Variants in GPR143 observed in about 807,000 individuals in gnomAD.
The protein encoded by GPR143 is G protein-coupled receptor 143.
A neutral mutation model predicts 27.6 loss-of-function variants in GPR143; 8 were observed. The observed-to-expected ratio is 0.29, with a 90% CI of 0.17 to 0.52. The LOEUF (loss-of-function observed/expected upper bound fraction) is 0.52. Among genes scored for constraint, GPR143 ranks in the 20% least tolerant of loss-of-function variants. The pLI, the probability that GPR143 is intolerant of heterozygous loss-of-function variation, is 0.96. For missense variants in GPR143, 303 were observed against 343.1 expected, an observed-to-expected ratio of 0.88 and a Z score of 0.92; for synonymous variants, 156 against 153.2, an observed-to-expected ratio of 1.02 and a Z score of -0.13.
intron 3 of GPR143, among the ~76,000 whole-genome samples, chrX:9,749,678 G>T (rs2146692566): frequency 8.9e-6 from 1 of 112,325 alleles, no homozygotes; most frequent in Non-Finnish European, 1.9e-5. Context: ...GCCCAAGCTG[G>T]TCTTGAACTC....
At chrX:9,728,028 C>A (rs2083336126) in intron 8 of GPR143, among the ~76,000 whole-genome samples, 2 of 112,629 alleles carry the variant, frequency 1.8e-5, no homozygotes, top group African/African-American at 3.2e-5. Flanking sequence ...TCTCAGGACA[C>A]CCTCTCTAAA....
chrX:9,761,285 G>T (rs1424240837), intron 1 of GPR143, among the ~76,000 whole-genome samples: 1 of 111,362 alleles, frequency 9.0e-6, no homozygotes, highest in Non-Finnish European at 1.9e-5. Context: ...GTAGAGACGG[G>T]GTATCACCAT....
Position 9,739,505 on chromosome X carries a change from G to C in GPR143, c.1100C>G (p.Ala367Gly), listed in dbSNP as rs1231311188. The change falls in exon 8 of 9, where the codon GCC (alanine) becomes GGC (glycine). Residue 367 changes from alanine (A) to glycine (G), a missense_variant. Physicochemically the swap from Ala to Gly is moderately conservative, Grantham distance 60. Coordinates refer to ENST00000467482, the MANE Select transcript of GPR143 (RefSeq NM_000273.3). ...ATTACCTTCAGACAGCATGCTCAGG[G>C]CTTCGTCAGAAGTCTGCCCACCCAC... is the stretch of plus-strand genomic sequence containing the variant. ...SQVGGQTSDE[A>G]LSMLSEGSDA... 6 of 1,205,320 alleles carry C rather than the reference G, an allele frequency of 5.0e-6. No individual in the cohort carries two copies. The highest frequency in any genetic ancestry group is 6.7e-6 in the Non-Finnish European group (6 of 889,990).
At chrX:9,760,649 G>A in intron 2 of GPR143, 68 bp downstream of exon 2, 1 of 594,423 alleles carries the variant, frequency 1.7e-6, no homozygotes, top group Non-Finnish European at 2.9e-6. Context: ...GACTCCCAGG[G>A]TTTGCTGCTG....
At chrX:9,755,216 G>A (rs939582218) in intron 3 of GPR143, among the ~76,000 whole-genome samples, 1 of 111,149 alleles carries the variant, frequency 9.0e-6, no homozygotes, top group Non-Finnish European at 1.9e-5. Flanking sequence ...TCAGGAGTTC[G>A]AGACCAGCCT....
chrX:9,770,204 G>T (rs1434098164), upstream of GPR143, among the ~76,000 whole-genome samples: 2 of 96,009 alleles, frequency 2.1e-5, no homozygotes, highest in African/African-American at 7.8e-5. Flanking sequence ...GGGCTCAGTG[G>T]CTCACACCTG....
intron 8 of GPR143, among the ~76,000 whole-genome samples, chrX:9,728,399 CAAA>C (rs59182343): frequency 1.0e-4 from 8 of 77,140 alleles, no homozygotes; most frequent in African/African-American, 2.7e-4. Flanking sequence ...TGTTAAGGAA[CAAA>C]AAAAAAAAAA....
At chrX:9,775,098 G>A (rs780919001) in intron 1 of GPR143, among the ~76,000 whole-genome samples, 7 of 111,872 alleles carry the variant, frequency 6.3e-5, no homozygotes, top group Non-Finnish European at 1.1e-4. Context: ...CTGGCCTCAA[G>A]CAATCCTCCC....
At chrX:9,764,620 C>T (rs1396199346) in intron 1 of GPR143, among the ~76,000 whole-genome samples, 1 of 111,204 alleles carries the variant, frequency 9.0e-6, no homozygotes, top group Non-Finnish European at 1.9e-5. Flanking sequence ...CTTTTCTGGT[C>T]TGGGTTTTGC....
Position 9,745,019 on chromosome X carries a change from A to G in GPR143, c.658+1025T>C, listed in dbSNP as rs2083421961. Among the ~76,000 whole-genome samples the G allele has an allele frequency of 2.7e-5, 3 of 112,364 alleles. No homozygotes were observed. In the South Asian group the frequency reaches 1.1e-3, roughly 42 times the overall value. ...GTAATCCCGGCACTTTGGGAGGCCA[A>G]GGTGGGTGGATCACCCGAGGTCAGG... On this transcript the variant is annotated intron_variant, in intron 5 of 8. Coordinates refer to ENST00000467482, the MANE Select transcript of GPR143 (RefSeq NM_000273.3).
At chrX:9,733,603 G>T (rs1413185445) in intron 8 of GPR143, among the ~76,000 whole-genome samples, 1 of 111,477 alleles carries the variant, frequency 9.0e-6, no homozygotes, top group African/African-American at 3.3e-5. Context: ...GGGGACTCAA[G>T]GTAGTGTGAG....
At chrX:9,761,286 G>T (rs1041393880) in intron 1 of GPR143, among the ~76,000 whole-genome samples, 2 of 111,631 alleles carry the variant, frequency 1.8e-5, no homozygotes, top group African/African-American at 3.3e-5. Flanking sequence ...TAGAGACGGG[G>T]TATCACCATG....
In GPR143 at chrX:9,777,828, C is replaced by T. The variant is rs868647556; in HGVS notation, c.-3+8414G>A. ...AAAGGGGGCCAGGTGCGGTGACTCACGCTTGTAATCCCAGCACTTTGGGAG... is the reference window on the plus strand; with the variant it reads ...AAAGGGGGCCAGGTGCGGTGACTCATGCTTGTAATCCCAGCACTTTGGGAG... On this transcript the variant is annotated intron_variant, in intron 1 of 7. Transcript: ENST00000447366. 9.4e-5 allele frequency among the ~76,000 whole-genome samples: 10 copies of T among 106,769 alleles called. No homozygotes were observed. The South Asian group carries it at 2.1e-3, about 22-fold the overall frequency. The allele number at this position is 106,769 out of a possible 115,157, so 92.7% of individuals were successfully genotyped here.
rs761046378 is a variant in GPR143 at position 9,776,127 on chromosome X, GC to G, written c.-3+10114del. On this transcript the variant is annotated intron_variant, in intron 1 of 7. Coordinates refer to the GPR143 transcript ENST00000447366. Reference sequence around the variant, plus strand: ...GGCTGCGGTTAAAGCTGACCTGCAGGCAGACAGCACGGCTTCCCTCAACACT... The same window carrying G: ...GGCTGCGGTTAAAGCTGACCTGCAGGAGACAGCACGGCTTCCCTCAACACT... 3.4e-4 allele frequency among the ~76,000 whole-genome samples: 38 copies of G among 112,209 alleles called. No individual in the cohort carries two copies. In the South Asian group the frequency reaches 8.6e-3, roughly 25 times the overall value.
intron 1 of GPR143, among the ~76,000 whole-genome samples, chrX:9,762,066 G>A (rs977094921): frequency 2.6e-4 from 29 of 110,391 alleles, no homozygotes; most frequent in African/African-American, 8.3e-4. Flanking sequence ...CAGCCTGGGC[G>A]ACAGAGTGAG....
At chrX:9,757,807 G>T (rs2083479420) in intron 3 of GPR143, among the ~76,000 whole-genome samples, 1 of 111,529 alleles carries the variant, frequency 9.0e-6, no homozygotes, top group Non-Finnish European at 1.9e-5. Context: ...GTCTCACTCT[G>T]TCGCCCAGGC....
intron 3 of GPR143, among the ~76,000 whole-genome samples, chrX:9,758,468 C>T (rs1198613849): frequency 1.8e-5 from 2 of 112,009 alleles, no homozygotes. Flanking sequence ...AGTTCAAACA[C>T]ACCAGTGCCC....
At chrX:9,765,861 C>T, upstream of GPR143, 4 of 1,028,107 alleles carry the variant, frequency 3.9e-6, no homozygotes, top group Non-Finnish European at 5.0e-6. Flanking sequence ...AGGACCCCGC[C>T]GGCCTGCCTG....
chrX:9,766,517 A>G (rs1265434916), upstream of GPR143, among the ~76,000 whole-genome samples: 1 of 112,000 alleles, frequency 8.9e-6, no homozygotes, highest in African/African-American at 3.2e-5. Flanking sequence ...CTTGAGCTCA[A>G]GAGTTGGAGA....
Sources: allele counts gnomAD v4.1 joint callset (sites outside exome capture counted in the v4.1 genomes callset), GRCh38; gene constraint gnomAD v4.1.1; transcripts MANE v1.5; gene names NCBI Gene and HGNC (gene_info 2026-07-23, HGNC 2026-07-21).